The following EIF4E variants were observed in gnomAD, a reference collection of about 807,000 sequenced individuals.
The protein encoded by EIF4E is eIF-4F 25 kDa subunit.
For synonymous variants in EIF4E, 71 were observed against 88.5 expected (o/e 0.80, Z 1.11); for missense variants, 113 against 265.6 (o/e 0.43, Z 3.99).
intron 3 of EIF4E, 98 bp from the exon 4 acceptor site, chr4:98,888,050 C>G (rs969815475): frequency 7.7e-6 from 8 of 1,038,610 alleles, no homozygotes; most frequent in Non-Finnish European, 1.1e-5. Flanking sequence ...TGAAAATAAA[C>G]AGATAAAAGT....
intron 2 of EIF4E, among the ~76,000 whole-genome samples, chr4:98,899,782 G>T (rs972780372): frequency 6.6e-6 from 1 of 152,082 alleles, no homozygotes; most frequent in Non-Finnish European, 1.5e-5. Flanking sequence ...ATACATATGT[G>T]CATTTAATAC....
chr4:98,905,707 C>T (rs1724843029), intron 1 of EIF4E, among the ~76,000 whole-genome samples: 1 of 152,190 alleles, frequency 6.6e-6, no homozygotes, highest in Non-Finnish European at 1.5e-5. Context: ...CTGAGTTTAT[C>T]AGCTTCAAAT....
intron 1 of EIF4E, among the ~76,000 whole-genome samples, chr4:98,912,304 C>T (rs555822981): frequency 1.9e-4 from 29 of 151,322 alleles, no homozygotes; most frequent in South Asian, 1.3e-3. Flanking sequence ...CGGCCAGGCA[C>T]GGTGGCTCAT....
rs372168152 is a variant in EIF4E, at chr4:98,910,199, G to C, written c.19-8217C>G. On this transcript the variant is annotated intron_variant, in intron 1 of 6. Transcript: ENST00000450253. ...TGCAGTCTTCCTTATCTGTAATAAA[G>C]GATCAAAACTATGACTTTTATACTC... Among the ~76,000 whole-genome samples the C allele has an allele frequency of 3.9e-4, 60 of 152,058 alleles. 2 individuals carry two copies. The East Asian group carries it at 4.5e-3, about 11-fold the overall frequency.
At chr4:98,902,059 A>G in intron 1 of EIF4E, 77 bp from the exon 2 acceptor site, 2 of 1,374,110 alleles carry the variant, frequency 1.5e-6, no homozygotes, top group Non-Finnish European at 2.1e-6. Flanking sequence ...CTAAACCTGA[A>G]CTGATATGCT....
At chr4:98,892,224 T>C (rs1366470395) in intron 2 of EIF4E, among the ~76,000 whole-genome samples, 3 of 150,410 alleles carry the variant, frequency 2.0e-5, no homozygotes, top group Non-Finnish European at 4.4e-5. Context: ...TGCATGCCTG[T>C]ATTCCCAGCT....
intron 1 of EIF4E, chr4:98,928,744 C>T: frequency 1.8e-6 from 2 of 1,100,274 alleles, no homozygotes; most frequent in East Asian, 2.9e-5. Flanking sequence ...CGCTGGGAGC[C>T]GGCCCTGCGC....
chr4:98,896,486 C>CAAAAAAAAAAA (rs59729154), intron 2 of EIF4E, among the ~76,000 whole-genome samples: 5 of 39,012 alleles, frequency 1.3e-4, no homozygotes, highest in African/African-American at 4.9e-4. Context: ...CCGCATCTCT[C>CAAAAAAAAAAA]AAAAAAAAAA....
chr4:98,884,466 G>A (rs1383205584), intron 6 of EIF4E, among the ~76,000 whole-genome samples: 2 of 152,190 alleles, frequency 1.3e-5, no homozygotes, highest in African/African-American at 4.8e-5. Flanking sequence ...ACTTTGGGAG[G>A]CTGAGGTGGA....
intron 1 of EIF4E, among the ~76,000 whole-genome samples, chr4:98,914,064 TA>T (rs796734767): frequency 0.029 from 3,945 of 137,968 alleles, 135 homozygotes; most frequent in African/African-American, 0.091. Flanking sequence ...AATGAGCACT[TA>T]AAAAAAAAAA....
intron 1 of EIF4E, among the ~76,000 whole-genome samples, chr4:98,927,334 A>G (rs1307076138): frequency 2.0e-5 from 3 of 152,198 alleles, no homozygotes; most frequent in Non-Finnish European, 2.9e-5. Flanking sequence ...TGTGTAGTCT[A>G]TAAGAGTTTT....
In EIF4E at chr4:98,901,864, T is replaced by C. The variant is rs1724662967; in HGVS notation, c.125+12A>G. On this transcript the variant is annotated intron_variant, in intron 2 of 6. Coordinates refer to ENST00000450253, the MANE Select transcript of EIF4E (RefSeq NM_001968.5). ...GGCCTAACTCAGAAAACCTAGGTGTTAGAAAGCTTACCTGTTCTGTAGGGG... is the reference window on the plus strand; with the variant it reads ...GGCCTAACTCAGAAAACCTAGGTGTCAGAAAGCTTACCTGTTCTGTAGGGG... 1.9e-6 allele frequency: 3 copies of C among 1,610,302 alleles called. No individual in the cohort carries two copies. The African/African-American group carries it at 4.0e-5, about 22-fold the overall frequency.
At chr4:98,902,812 C>T (rs922381290) in intron 1 of EIF4E, among the ~76,000 whole-genome samples, 10 of 152,032 alleles carry the variant, frequency 6.6e-5, no homozygotes, top group Non-Finnish European at 1.5e-4. Context: ...TTGAGACCAG[C>T]CTGGGCAACA....
intron 1 of EIF4E, among the ~76,000 whole-genome samples, chr4:98,903,003 A>G (rs1724715302): frequency 6.6e-6 from 1 of 152,256 alleles, no homozygotes; most frequent in Admixed American, 6.5e-5. Flanking sequence ...AACAAGATGG[A>G]CATTGGCTTG....
chr4:98,911,271 A>C (rs1320017990), intron 1 of EIF4E, among the ~76,000 whole-genome samples: 1 of 149,648 alleles, frequency 6.7e-6, no homozygotes, highest in Non-Finnish European at 1.5e-5. Context: ...ACTGGTCTTG[A>C]ACTCCTGACC....
chr4:98,921,227 A>G (rs544920659), intron 1 of EIF4E, among the ~76,000 whole-genome samples: 5 of 152,290 alleles, frequency 3.3e-5, no homozygotes, highest in Non-Finnish European at 5.9e-5. Flanking sequence ...TACATTTCAC[A>G]TATCAATTAA....
At position 98,879,878 on chromosome 4, in the gene EIF4E, T is replaced by C. The variant is rs1723606529; in HGVS notation, c.*1150A>G. On this transcript the variant is annotated 3_prime_UTR_variant, in exon 7 of 7. Transcript: ENST00000450253. ...CCACATCAATTTAATTCCATATATA[T>C]GATACTACCTATTCAATTTATTAAA... is the stretch of plus-strand genomic sequence containing the variant. 6.6e-6 allele frequency: 1 copy of C among 152,186 alleles called. No individual in the cohort carries two copies. Among genetic ancestry groups the C allele is most frequent in the Admixed American group, 6.5e-5 (1 of 15,278 alleles). The allele number at this position is 152,186 out of a possible 1,614,324, so 9.4% of individuals were successfully genotyped here.
chr4:98,881,225 T>C (rs1336459335), intron 6 of EIF4E, 83 bp from the exon 7 acceptor site: 1 of 1,517,730 alleles, frequency 6.6e-7, no homozygotes, highest in Non-Finnish European at 8.8e-7. Context: ...TTAGGGTTAT[T>C]AGTCTTTATA....
chr4:98,894,340 A>G (rs572813275), intron 2 of EIF4E, among the ~76,000 whole-genome samples: 7 of 152,348 alleles, frequency 4.6e-5, no homozygotes, highest in African/African-American at 1.7e-4. Context: ...TCTAACTAGC[A>G]AAGTCCTAGA....
Sources: allele counts gnomAD v4.1 joint callset (sites outside exome capture counted in the v4.1 genomes callset), GRCh38; gene constraint gnomAD v4.1.1; transcripts MANE v1.5; gene names NCBI Gene and HGNC (gene_info 2026-07-23, HGNC 2026-07-21).